The following TBC1D8 variants were observed in gnomAD, a reference collection of about 807,000 sequenced individuals.
The protein encoded by TBC1D8 is TBC1 domain family member 8.
Under a neutral mutation model 118.8 loss-of-function variants are expected in TBC1D8, and 65 were observed. That is an observed-to-expected ratio of 0.55 (90% CI 0.45 to 0.67). TBC1D8 has a LOEUF of 0.67. Ranked by LOEUF, TBC1D8 falls within the 30% of genes least tolerant of loss-of-function variation. TBC1D8 has a pLI of 0.00. For missense variants in TBC1D8, 1,376 were observed against 1,471.2 expected (o/e 0.94, Z 1.06); for synonymous variants, 566 against 595.8 (o/e 0.95, Z 0.73).
intron 15 of TBC1D8, among the ~76,000 whole-genome samples, chr2:101,025,195 T>TA (rs1680267220): frequency 1.3e-5 from 2 of 151,478 alleles, no homozygotes; most frequent in Non-Finnish European, 2.9e-5. Flanking sequence ...GGGAGGGTAA[T>TA]ACGGGCACAA....
chr2:101,103,054 G>T (rs1318329599), intron 1 of TBC1D8, among the ~76,000 whole-genome samples: 2 of 151,766 alleles, frequency 1.3e-5, no homozygotes, highest in Non-Finnish European at 2.9e-5. Flanking sequence ...ATCAAATAAA[G>T]ATACTAAAAT....
intron 2 of TBC1D8, among the ~76,000 whole-genome samples, chr2:101,062,380 T>A (rs1558665857): frequency 6.6e-6 from 1 of 151,954 alleles, no homozygotes; most frequent in Non-Finnish European, 1.5e-5. Context: ...CTATTTGTTT[T>A]CATGGACTCA....
chr2:101,151,354 A>C lies in TBC1D8; in HGVS notation c.-101T>G. 1.9e-6 allele frequency: 2 copies of C among 1,050,148 alleles called. No individual in the cohort carries two copies. The highest frequency in any genetic ancestry group is 1.7e-5 in the African/African-American group (1 of 57,750). The allele number at this position is 1,050,148 out of a possible 1,614,324, so 65.1% of individuals were successfully genotyped here. On this transcript the variant is annotated 5_prime_UTR_variant, in exon 1 of 20. Transcript: ENST00000409318. ...CGAGAGGCGACGGCGGCGCGCGGGG[A>C]CCACAGCCCGGCCGGTGCCCAGCGC...
At chr2:101,054,871 G>A (rs1408497616) in intron 3 of TBC1D8, among the ~76,000 whole-genome samples, 3 of 150,210 alleles carry the variant, frequency 2.0e-5, no homozygotes, top group East Asian at 2.0e-4. Flanking sequence ...TAGTAGAGAC[G>A]GGGTTTCTCC....
intron 2 of TBC1D8, among the ~76,000 whole-genome samples, chr2:101,080,705 T>C (rs182219198): frequency 6.6e-6 from 1 of 152,004 alleles, no homozygotes; most frequent in African/African-American, 2.4e-5. Context: ...CTTCCCAATA[T>C]AATATTGAGA....
At chr2:101,124,417 G>GAC (rs1299007785) in intron 1 of TBC1D8, among the ~76,000 whole-genome samples, 1 of 152,136 alleles carries the variant, frequency 6.6e-6, no homozygotes, top group Non-Finnish European at 1.5e-5. Flanking sequence ...AGGGTTGCTT[G>GAC]CAGGCTAACC....
chr2:101,106,555 G>A (rs1325089849), intron 1 of TBC1D8, among the ~76,000 whole-genome samples: 1 of 152,196 alleles, frequency 6.6e-6, no homozygotes, highest in Non-Finnish European at 1.5e-5. Flanking sequence ...ACAAGTACAG[G>A]ACTCCATGGG....
intron 17 of TBC1D8, chr2:101,018,172 CTATAAT>C (rs1679793477): frequency 7.4e-6 from 3 of 406,640 alleles, no homozygotes; most frequent in South Asian, 5.3e-5. Context: ...CTGTACTAAT[CTATAAT>C]TATGTTTTAG....
chr2:101,040,620 C>T (rs566337987), intron 5 of TBC1D8, among the ~76,000 whole-genome samples: 2 of 152,350 alleles, frequency 1.3e-5, no homozygotes, highest in East Asian at 3.9e-4. Context: ...CAGGGACGCG[C>T]CACCGCGCCC....
rs549988825 is a variant in TBC1D8, at chr2:101,009,074, T to C, written c.3016-801A>G. Reference sequence around the variant, plus strand: ...ACAGGTGCTTCAGGTGGAATCTAGCTACACAATTACTCCAAGAATAGAAAA... The same window carrying C: ...ACAGGTGCTTCAGGTGGAATCTAGCCACACAATTACTCCAAGAATAGAAAA... On this transcript the variant is annotated intron_variant, in intron 19 of 19. Transcript: ENST00000409318. Among the ~76,000 whole-genome samples, 28 of 152,148 alleles carry C rather than the reference T, an allele frequency of 1.8e-4. No individual in the cohort carries two copies. In the East Asian group the frequency reaches 4.9e-3, roughly 26 times the overall value.
intron 1 of TBC1D8, among the ~76,000 whole-genome samples, chr2:101,096,128 T>G (rs995232535): frequency 4.6e-5 from 7 of 152,196 alleles, no homozygotes; most frequent in African/African-American, 1.4e-4. Context: ...CTCTCTATGT[T>G]GCCCAGGCTA....
intron 9 of TBC1D8, among the ~76,000 whole-genome samples, chr2:101,035,236 C>G (rs1680934173): frequency 6.6e-6 from 1 of 152,156 alleles, no homozygotes; most frequent in Admixed American, 6.5e-5. Flanking sequence ...TGGCCTCCCA[C>G]AGCACCCTGA....
chr2:101,064,172 C>T (rs958776780), intron 2 of TBC1D8, among the ~76,000 whole-genome samples: 7 of 152,200 alleles, frequency 4.6e-5, no homozygotes, highest in Admixed American at 2.6e-4. Context: ...AGGAGGTATA[C>T]GGTTAAATAA....
chr2:101,019,916 C>T (rs1315804236), intron 17 of TBC1D8, among the ~76,000 whole-genome samples: 1 of 150,582 alleles, frequency 6.6e-6, no homozygotes, highest in Admixed American at 6.6e-5. Flanking sequence ...AAAAAAAATA[C>T]AAAAAATTAG....
At chr2:101,141,048 C>T (rs1163845292) in intron 1 of TBC1D8, among the ~76,000 whole-genome samples, 1 of 152,056 alleles carries the variant, frequency 6.6e-6, no homozygotes, top group African/African-American at 2.4e-5. Flanking sequence ...AGGCGTGAGC[C>T]ACCGTGCCCA....
At chr2:101,117,182 G>C (rs966702797) in intron 1 of TBC1D8, among the ~76,000 whole-genome samples, 2 of 152,276 alleles carry the variant, frequency 1.3e-5, no homozygotes, top group African/African-American at 4.8e-5. Context: ...GTTTCAGAGG[G>C]AGCATGGTGG....
At chr2:101,043,579 C>G (rs1469011996) in intron 5 of TBC1D8, among the ~76,000 whole-genome samples, 1 of 152,186 alleles carries the variant, frequency 6.6e-6, no homozygotes, top group Non-Finnish European at 1.5e-5. Flanking sequence ...GAAGCTTGCA[C>G]TGAGCCACCA....
chr2:101,065,277 A>G (rs940911067), intron 2 of TBC1D8, among the ~76,000 whole-genome samples: 2 of 152,244 alleles, frequency 1.3e-5, no homozygotes, highest in Non-Finnish European at 2.9e-5. Flanking sequence ...TGTTCCTCTG[A>G]AATGACAAGA....
At chr2:101,035,749 G>A (rs931871498) in intron 9 of TBC1D8, among the ~76,000 whole-genome samples, 11 of 152,124 alleles carry the variant, frequency 7.2e-5, no homozygotes, top group Non-Finnish European at 1.3e-4. Context: ...GTAGAGCCTC[G>A]TGAAGGCATT....
Sources: gnomAD v4.1 joint callset for allele counts (sites outside exome capture counted in the v4.1 genomes callset) on GRCh38, gnomAD v4.1.1 for gene constraint, MANE v1.5 for transcripts, NCBI Gene and HGNC (gene_info 2026-07-23, HGNC 2026-07-21) for gene names.